The following SPHKAP variants were observed in gnomAD, a reference collection of about 807,000 sequenced individuals.
SPHKAP encodes SPHK1 interactor, AKAP domain containing, also known as A-kinase anchor protein SPHKAP.
SPHKAP carries 67 observed loss-of-function variants against 137.5 expected under a neutral mutation model. The observed-to-expected ratio is 0.49, with a 90% CI of 0.40 to 0.60. The LOEUF is 0.60. Ranked by LOEUF, SPHKAP falls within the 20% of genes least tolerant of loss-of-function variation. The probability of loss-of-function intolerance (pLI) is 0.00; values close to 1 mark genes in which losing one functional copy is unlikely to be tolerated. For missense variants in SPHKAP, 2,097 were observed against 2,069.3 expected (o/e 1.01, Z -0.26); for synonymous variants, 813 against 785.3 (o/e 1.04, Z -0.59).
chr2:228,027,442 C>A, intron 4 of SPHKAP, 42 bp downstream of exon 4: 1 of 1,597,280 alleles, frequency 6.3e-7, no homozygotes, highest in Admixed American at 1.7e-5. Context: ...GTTGAATAGT[C>A]CTTGTAATGA....
intron 3 of SPHKAP, among the ~76,000 whole-genome samples, chr2:228,092,178 TG>T (rs1697772518): frequency 2.2e-5 from 1 of 45,430 alleles, no homozygotes; most frequent in African/African-American, 8.8e-5. Flanking sequence ...TACACACACA[TG>T]TGTGTACATG....
intron 3 of SPHKAP, among the ~76,000 whole-genome samples, chr2:228,093,418 CA>C (rs910291528): frequency 1.3e-5 from 2 of 152,110 alleles, no homozygotes; most frequent in African/African-American, 4.8e-5. Context: ...AAAACCCACA[CA>C]ATGCAATATT....
rs753681665 is a variant in SPHKAP, at chr2:228,018,427, C to A, written c.2427G>T (p.Thr809=). 1.2e-6 allele frequency: 2 copies of A among 1,613,644 alleles called. No individual in the cohort carries two copies. The highest frequency in any genetic ancestry group is 1.7e-6 in the Non-Finnish European group (2 of 1,179,824). ...GACTACGTGATAATTGTGACTGCAG[C>A]GTGGGGTTCTTGAAGAGGCCTGGCC... ...GVRPGLFKNP[T]LQSQLSRSHR... Residue 809 remains threonine, a synonymous_variant, in exon 7 of 12, where the codon ACG becomes ACT. Coordinates refer to ENST00000392056, the MANE Select transcript of SPHKAP (RefSeq NM_001142644.2).
chr2:228,032,119 A>G (rs965166648), intron 3 of SPHKAP, among the ~76,000 whole-genome samples: 1 of 152,190 alleles, frequency 6.6e-6, no homozygotes, highest in Non-Finnish European at 1.5e-5. Flanking sequence ...ATGGCAAAGA[A>G]GTTAAAAACT....
At chr2:228,041,792 T>C (rs1022795578) in intron 3 of SPHKAP, among the ~76,000 whole-genome samples, 7 of 152,022 alleles carry the variant, frequency 4.6e-5, no homozygotes, top group African/African-American at 1.7e-4. Flanking sequence ...TAGGTGGTCA[T>C]GTGGAGCGGA....
intron 3 of SPHKAP, among the ~76,000 whole-genome samples, chr2:228,080,752 T>G (rs201252241): frequency 2.6e-4 from 8 of 30,714 alleles, no homozygotes; most frequent in African/African-American, 9.1e-4. Context: ...TAAAATAAAA[T>G]AAAATAAAAT....
intron 1 of SPHKAP, among the ~76,000 whole-genome samples, chr2:228,163,734 C>T (rs368057682): frequency 6.6e-6 from 1 of 152,140 alleles, no homozygotes; most frequent in East Asian, 1.9e-4. Context: ...ATTTGCATGA[C>T]GTATGACCAA....
At chr2:228,083,868 TG>T (rs1352231072) in intron 3 of SPHKAP, among the ~76,000 whole-genome samples, 1 of 151,664 alleles carries the variant, frequency 6.6e-6, no homozygotes, top group African/African-American at 2.4e-5. Context: ...CACTCATAAG[TG>T]GGAGTGGAAC....
intron 7 of SPHKAP, among the ~76,000 whole-genome samples, chr2:228,001,370 CAT>C (rs1433082137): frequency 2.1e-5 from 3 of 140,158 alleles, no homozygotes; most frequent in Admixed American, 7.4e-5. Context: ...TATATACACA[CAT>C]AAATATATAT....
chr2:228,045,243 A>T (rs1369450594), intron 3 of SPHKAP, among the ~76,000 whole-genome samples: 1 of 151,090 alleles, frequency 6.6e-6, no homozygotes, highest in Non-Finnish European at 1.5e-5. Context: ...CCATCCCATT[A>T]CTGGGTATAT....
intron 7 of SPHKAP, among the ~76,000 whole-genome samples, chr2:227,999,252 C>G (rs1490680750): frequency 2.0e-5 from 3 of 152,080 alleles, no homozygotes; most frequent in African/African-American, 7.2e-5. Flanking sequence ...TGCTATGCTG[C>G]TAACACTTTG....
At chr2:228,124,342 A>C (rs1357457635) in intron 2 of SPHKAP, among the ~76,000 whole-genome samples, 2 of 152,076 alleles carry the variant, frequency 1.3e-5, no homozygotes, top group African/African-American at 4.8e-5. Context: ...CCAAATGTCC[A>C]ACAATGATAG....
chr2:228,146,686 G>T (rs1699785560), intron 1 of SPHKAP, among the ~76,000 whole-genome samples: 1 of 152,198 alleles, frequency 6.6e-6, no homozygotes, highest in African/African-American at 2.4e-5. Flanking sequence ...AGTTTGCTAA[G>T]GATAATAGTC....
rs181589268 is a variant in SPHKAP at position 228,030,908 on chromosome 2, A to C, written c.247-3365T>G. ...AATATGTTTTACGAGGGTGGAGCCA[A>C]GATGGCCGAATAGGAACAGCTCTGG... On this transcript the variant is annotated intron_variant, in intron 3 of 11. Coordinates refer to ENST00000392056, the MANE Select transcript of SPHKAP (RefSeq NM_001142644.2). Among the ~76,000 whole-genome samples the C allele has an allele frequency of 7.7e-4, 117 of 152,300 alleles. 1 individual carries two copies. Among genetic ancestry groups the C allele is most frequent in the African/African-American group, 2.6e-3 (110 of 41,576 alleles).
chr2:228,152,771 T>C (rs1699975152), intron 1 of SPHKAP, among the ~76,000 whole-genome samples: 1 of 152,074 alleles, frequency 6.6e-6, no homozygotes, highest in African/African-American at 2.4e-5. Flanking sequence ...ACTTACCTTA[T>C]TATGTTCTAA....
At chr2:228,113,673 TTTG>T (rs1279505075) in intron 2 of SPHKAP, among the ~76,000 whole-genome samples, 1 of 144,670 alleles carries the variant, frequency 6.9e-6, no homozygotes, top group Admixed American at 7.1e-5. Flanking sequence ...GTTCAGGAGG[TTTG>T]AATTCCAGTC....
Position 228,018,715 on chromosome 2 carries a change from A to G in SPHKAP, c.2139T>C (p.Leu713=). 1 of 1,614,208 alleles carries G rather than the reference A, an allele frequency of 6.2e-7. No individual in the cohort carries two copies. Among genetic ancestry groups the G allele is most frequent in the Non-Finnish European group, 8.5e-7 (1 of 1,180,028 alleles). Residue 713 remains leucine (L), a synonymous_variant, in exon 7 of 12, where the codon CTT becomes CTC. Coordinates refer to ENST00000392056, the MANE Select transcript of SPHKAP (RefSeq NM_001142644.2). ...TGAACGTGAAGCATATCACATCTAA[A>G]AGCAGTTGATTTGTACTTTCCATTA... is the stretch of plus-strand genomic sequence containing the variant. The part of the protein sequence containing the change: ...DTLMESTNQL[L]LDVICFTFKK...
chr2:228,017,035 G>C lies in SPHKAP; in HGVS notation c.3819C>G (p.Ser1273Arg). The C allele has an allele frequency of 2.5e-6, 4 of 1,614,070 alleles. No homozygotes were observed. Among genetic ancestry groups the C allele is most frequent in the Non-Finnish European group, 3.4e-6 (4 of 1,180,004 alleles). The part of the protein sequence containing the change: ...FAQNCPQDFL[S>R]VQPVSSASSS... Reference sequence around the variant, plus strand: ...AGGACGCGCTACTGACCGGCTGCACGCTTAGGAAATCTTGTGGGCAGTTCT... The same window carrying C: ...AGGACGCGCTACTGACCGGCTGCACCCTTAGGAAATCTTGTGGGCAGTTCT... The change falls in exon 7 of 12, where the codon AGC becomes AGG. Residue 1273 changes from serine to arginine, a missense_variant. By Grantham distance (110) the Ser-to-Arg change is moderately radical. Coordinates refer to ENST00000392056, the MANE Select transcript of SPHKAP (RefSeq NM_001142644.2).
intron 7 of SPHKAP, 68 bp from the exon 8 acceptor site, chr2:227,995,762 G>A (rs1693618567): frequency 1.4e-6 from 2 of 1,443,930 alleles, no homozygotes; most frequent in African/African-American, 2.9e-5. Context: ...ACTTCACAGA[G>A]CCACTTTGTA....
Sources: allele counts gnomAD v4.1 joint callset (sites outside exome capture counted in the v4.1 genomes callset), GRCh38; gene constraint gnomAD v4.1.1; transcripts MANE v1.5; gene names NCBI Gene and HGNC (gene_info 2026-07-23, HGNC 2026-07-21).